Variants in CNTN5 observed in about 807,000 individuals in gnomAD.
CNTN5 encodes the protein contactin 5.
In CNTN5, 77 loss-of-function variants were observed where a neutral mutation model predicts 129.1. The ratio of observed to expected loss-of-function variants is 0.60; its 90% CI spans 0.50 to 0.72. The LOEUF (loss-of-function observed/expected upper bound fraction) is 0.72. CNTN5 is among the 30% of genes least tolerant of loss of function. The pLI, the probability that CNTN5 is intolerant of heterozygous loss-of-function variation, is 0.00. For synonymous variants in CNTN5, 509 were observed against 465.6 expected (o/e 1.09, Z -1.20); for missense variants, 1,478 against 1,328.8 (o/e 1.11, Z -1.75).
chr11:99,378,186 C>T (rs533071663), intron 2 of CNTN5, among the ~76,000 whole-genome samples: 4 of 152,186 alleles, frequency 2.6e-5, no homozygotes, highest in South Asian at 2.1e-4. Context: ...GCTTTGGACT[C>T]GTGGTCTTCT....
intron 1 of CNTN5, among the ~76,000 whole-genome samples, chr11:99,048,624 T>C (rs1052899167): frequency 2.7e-4 from 41 of 152,220 alleles, no homozygotes; most frequent in African/African-American, 9.9e-4. Context: ...TAAGTCATAG[T>C]GCATCATGTG....
intron 8 of CNTN5, among the ~76,000 whole-genome samples, chr11:99,999,515 TGG>T (rs1939709788): frequency 6.6e-6 from 1 of 152,168 alleles, no homozygotes; most frequent in Non-Finnish European, 1.5e-5. Context: ...CAACAGGTGC[TGG>T]AGAGGATGTG....
intron 7 of CNTN5, among the ~76,000 whole-genome samples, chr11:99,926,364 G>A (rs1436082599): frequency 1.3e-5 from 2 of 152,072 alleles, no homozygotes; most frequent in Non-Finnish European, 2.9e-5. Context: ...AAGTGAAAGG[G>A]CATCAAGTAT....
intron 13 of CNTN5, among the ~76,000 whole-genome samples, chr11:100,158,198 C>T (rs185254100): frequency 2.6e-5 from 4 of 151,860 alleles, no homozygotes; most frequent in Admixed American, 2.6e-4. Context: ...GATTTACAGT[C>T]ACACAAACAA....
chr11:100,007,710 C>G (rs1228043015), intron 9 of CNTN5, among the ~76,000 whole-genome samples: 1 of 152,008 alleles, frequency 6.6e-6, no homozygotes, highest in African/African-American at 2.4e-5. Context: ...AACTTTCTTT[C>G]TATCAGCAAT....
At chr11:99,578,089 T>C (rs1378403615) in intron 3 of CNTN5, among the ~76,000 whole-genome samples, 2 of 151,484 alleles carry the variant, frequency 1.3e-5, no homozygotes, top group South Asian at 2.1e-4. Flanking sequence ...TTTGGTTTTT[T>C]CTCCGTGCGA....
intron 1 of CNTN5, among the ~76,000 whole-genome samples, chr11:99,166,284 C>A (rs1410029215): frequency 4.6e-5 from 7 of 151,828 alleles, no homozygotes; most frequent in African/African-American, 1.5e-4. Context: ...CACCTGTAGT[C>A]CCAGCTACTC....
At chr11:100,331,953 C>G (rs934211297) in intron 21 of CNTN5, among the ~76,000 whole-genome samples, 1 of 151,750 alleles carries the variant, frequency 6.6e-6, no homozygotes, top group Non-Finnish European at 1.5e-5. Flanking sequence ...CAATCCAAAC[C>G]CACATCCAGC....
At chr11:99,915,190 G>T (rs1949756172) in intron 6 of CNTN5, among the ~76,000 whole-genome samples, 1 of 152,072 alleles carries the variant, frequency 6.6e-6, no homozygotes, top group African/African-American at 2.4e-5. Context: ...TTGCAATAAA[G>T]TAGTCTAAAA....
chr11:99,225,307 G>C (rs1363630836), intron 1 of CNTN5, among the ~76,000 whole-genome samples: 1 of 152,112 alleles, frequency 6.6e-6, no homozygotes, highest in African/African-American at 2.4e-5. Flanking sequence ...GCCTGCGAGA[G>C]AAGAGTGAAA....
chr11:99,138,649 T>G (rs1859356285), intron 1 of CNTN5, among the ~76,000 whole-genome samples: 1 of 152,192 alleles, frequency 6.6e-6, no homozygotes, highest in Non-Finnish European at 1.5e-5. Context: ...TTTTGAAACT[T>G]GTTCAAAGAA....
At chr11:99,111,914 A>C (rs963297896) in intron 1 of CNTN5, among the ~76,000 whole-genome samples, 1 of 152,056 alleles carries the variant, frequency 6.6e-6, no homozygotes, top group South Asian at 2.1e-4. Flanking sequence ...TTCAAAAAAG[A>C]TTACCAGCAA....
chr11:100,246,653 AT>A (rs1949846755), intron 16 of CNTN5, among the ~76,000 whole-genome samples: 1 of 152,164 alleles, frequency 6.6e-6, no homozygotes, highest in South Asian at 2.1e-4. Context: ...AATTAGTAAC[AT>A]TTAACAAATT....
At chr11:100,034,770 G>T (rs2137634371) in intron 9 of CNTN5, among the ~76,000 whole-genome samples, 1 of 152,260 alleles carries the variant, frequency 6.6e-6, no homozygotes, top group Non-Finnish European at 1.5e-5. Context: ...TTAAGAAAAA[G>T]TTTGATGACC....
intron 1 of CNTN5, among the ~76,000 whole-genome samples, chr11:99,147,070 G>T (rs565346310): frequency 1.3e-3 from 199 of 152,078 alleles, no homozygotes; most frequent in Non-Finnish European, 2.5e-3. Flanking sequence ...TCATATGTGA[G>T]ATACTATGTA....
intron 1 of CNTN5, among the ~76,000 whole-genome samples, chr11:99,058,446 A>G (rs138880966): frequency 5.9e-5 from 9 of 152,216 alleles, no homozygotes; most frequent in Non-Finnish European, 1.0e-4. Context: ...CACTGTTTAC[A>G]TTTATATATA....
At chr11:99,467,503 CT>C (rs1944992759) in intron 2 of CNTN5, among the ~76,000 whole-genome samples, 1 of 152,054 alleles carries the variant, frequency 6.6e-6, no homozygotes, top group East Asian at 1.9e-4. Flanking sequence ...ATGTCTGATC[CT>C]TGTATAAATC....
chr11:99,904,486 G>T (rs2135962354), intron 6 of CNTN5, among the ~76,000 whole-genome samples: 1 of 149,110 alleles, frequency 6.7e-6, no homozygotes, highest in Non-Finnish European at 1.5e-5. Flanking sequence ...CTTTTTTACG[G>T]CTGCATAGTA....
chr11:99,941,814 T>C (rs1591455083), intron 7 of CNTN5, among the ~76,000 whole-genome samples: 2 of 151,974 alleles, frequency 1.3e-5, no homozygotes. Flanking sequence ...GTGGCTAGGG[T>C]GGATTGAAGA....
Sources: allele counts gnomAD v4.1 joint callset (sites outside exome capture counted in the v4.1 genomes callset), GRCh38; gene constraint gnomAD v4.1.1; transcripts MANE v1.5; gene names NCBI Gene and HGNC (gene_info 2026-07-23, HGNC 2026-07-21).